ATF6: variants seen among roughly 807,000 people sequenced by gnomAD.
The protein encoded by ATF6 is cyclic AMP-dependent transcription factor ATF-6 alpha.
Under a neutral mutation model 83.6 loss-of-function variants are expected in ATF6, and 53 were observed. That is an observed-to-expected ratio of 0.63 (90% CI 0.51 to 0.80). The LOEUF (loss-of-function observed/expected upper bound fraction) is 0.80, where lower values mean the gene tolerates loss of function less well. ATF6 is among the 30% of genes least tolerant of loss of function. ATF6 has a pLI of 0.00. For synonymous variants in ATF6, 288 were observed against 285.8 expected, an observed-to-expected ratio of 1.01 and a Z score of -0.08; for missense variants, 744 against 797.9, an observed-to-expected ratio of 0.93 and a Z score of 0.81.
chr1:161,953,166 T>C (rs913375902), intron 15 of ATF6, among the ~76,000 whole-genome samples: 1 of 152,230 alleles, frequency 6.6e-6, no homozygotes, highest in East Asian at 1.9e-4. Context: ...ATTAAACTCA[T>C]GTAAAAGTAC....
chr1:161,853,240 C>A lies in ATF6; in HGVS notation c.1450C>A (p.Arg484=), dbSNP rs889228888. ...ATTTTATAGGTTAAATCATGAACTT[C>A]GAGGATGGGTTCATAGACATGAAGT... ...TESLRLNHEL[R]GWVHRHEVER... is the part of the protein sequence containing the mutation. The change falls in exon 12 of 16, where the codon CGA becomes AGA. Residue 484 remains arginine, a synonymous_variant. Coordinates refer to ENST00000367942, the MANE Select transcript of ATF6 (RefSeq NM_007348.4). 1 of 1,608,528 alleles carries A rather than the reference C, an allele frequency of 6.2e-7. No individual in the cohort carries two copies. The highest frequency in any genetic ancestry group is 1.1e-5 in the South Asian group (1 of 90,644).
intron 15 of ATF6, among the ~76,000 whole-genome samples, chr1:161,936,475 T>C (rs1373342071): frequency 6.6e-6 from 1 of 152,202 alleles, no homozygotes; most frequent in African/African-American, 2.4e-5. Context: ...TTACACTCTT[T>C]AAGTTATTTT....
rs1689041132 is a variant in ATF6, at chr1:161,959,386, T to A, written c.*732T>A. 6.6e-6 allele frequency: 1 copy of A among 152,134 alleles called. No individual in the cohort carries two copies. Among genetic ancestry groups the A allele is most frequent in the Admixed American group, 6.6e-5 (1 of 15,266 alleles). 9.4% of individuals were successfully genotyped at this position (152,134 alleles called of 1,614,324 possible). A position where few individuals can be genotyped will look rare whatever the true frequency, so the allele number is the denominator to read the frequency against. On this transcript the variant is annotated 3_prime_UTR_variant, in exon 16 of 16. Coordinates refer to ENST00000367942, the MANE Select transcript of ATF6 (RefSeq NM_007348.4). ...GAGGAGATAGCTCCATTAATACACA[T>A]GTTTAAAAGATGGAAAGTTCACGCC...
intron 6 of ATF6, among the ~76,000 whole-genome samples, chr1:161,797,789 T>A (rs987504540): frequency 6.6e-6 from 1 of 152,130 alleles, no homozygotes; most frequent in Non-Finnish European, 1.5e-5. Context: ...AAACTATCAA[T>A]GACATTTTTC....
intron 15 of ATF6, among the ~76,000 whole-genome samples, chr1:161,943,109 C>T (rs1688682706): frequency 6.6e-6 from 1 of 152,182 alleles, no homozygotes; most frequent in African/African-American, 2.4e-5. Flanking sequence ...CCACCTCGGC[C>T]TCCCAAAATG....
At chr1:161,767,157 G>A (rs1484981183) in intron 1 of ATF6, among the ~76,000 whole-genome samples, 1 of 152,182 alleles carries the variant, frequency 6.6e-6, no homozygotes, top group Non-Finnish European at 1.5e-5. Flanking sequence ...TTGATTGCAA[G>A]ATATAATAGT....
chr1:161,809,041 AATTTT>A (rs1192498006), intron 7 of ATF6, among the ~76,000 whole-genome samples: 15 of 152,134 alleles, frequency 9.9e-5, no homozygotes, highest in African/African-American at 3.4e-4. Flanking sequence ...CTATGGGAGA[AATTTT>A]ATTTTATTTT....
Position 161,772,762 on chromosome 1 carries a change from TA to T in ATF6, c.83-5468del, listed in dbSNP as rs34486834. Among the ~76,000 whole-genome samples, 718 of 139,122 alleles carry T rather than the reference TA, an allele frequency of 5.2e-3. 3 individuals carry two copies. Among genetic ancestry groups the T allele is most frequent in the African/African-American group, 0.012 (449 of 38,046 alleles). The allele number at this position is 139,122 out of a possible 152,430, so 91.3% of individuals were successfully genotyped here. A position where few individuals can be genotyped will look rare whatever the true frequency, so the allele number is the denominator to read the frequency against. On this transcript the variant is annotated intron_variant, in intron 1 of 15. Coordinates refer to ENST00000367942, the MANE Select transcript of ATF6 (RefSeq NM_007348.4). ...ATCTAGATAGTACTCTAGCTAGAGTTAAAAAAAAAAAAAACAAAACCAACAA... is the reference window on the plus strand; with the variant it reads ...ATCTAGATAGTACTCTAGCTAGAGTTAAAAAAAAAAAAACAAAACCAACAA...
At chr1:161,944,320 A>G (rs1458034348) in intron 15 of ATF6, among the ~76,000 whole-genome samples, 1 of 152,188 alleles carries the variant, frequency 6.6e-6, no homozygotes, top group African/African-American at 2.4e-5. Flanking sequence ...AATAATGAGA[A>G]TAAGTTACAG....
chr1:161,866,410 T>A (rs1053913327), intron 14 of ATF6, among the ~76,000 whole-genome samples: 9 of 152,176 alleles, frequency 5.9e-5, no homozygotes, highest in African/African-American at 2.2e-4. Flanking sequence ...CTTGGATAAC[T>A]ACTGAGTTCC....
chr1:161,843,747 T>G (rs1686412183), intron 9 of ATF6, among the ~76,000 whole-genome samples: 1 of 152,210 alleles, frequency 6.6e-6, no homozygotes, highest in African/African-American at 2.4e-5. Flanking sequence ...TTCAGTTAAT[T>G]CATAAGTAGA....
At chr1:161,899,963 T>C (rs1276272416) in intron 14 of ATF6, among the ~76,000 whole-genome samples, 1 of 152,216 alleles carries the variant, frequency 6.6e-6, no homozygotes, top group Non-Finnish European at 1.5e-5. Flanking sequence ...CTGGGACCAC[T>C]GTCTGTGTGG....
At chr1:161,894,440 C>T (rs1470600484) in intron 14 of ATF6, among the ~76,000 whole-genome samples, 3 of 146,600 alleles carry the variant, frequency 2.0e-5, no homozygotes, top group South Asian at 4.4e-4. Context: ...ACTTCTTAAA[C>T]GTTTGGGCTT....
intron 14 of ATF6, among the ~76,000 whole-genome samples, chr1:161,890,306 C>A (rs895217091): frequency 6.6e-6 from 1 of 152,150 alleles, no homozygotes; most frequent in Non-Finnish European, 1.5e-5. Flanking sequence ...GATTTAAATA[C>A]CACAGTGAAA....
chr1:161,777,652 A>C (rs1349129760), intron 1 of ATF6, among the ~76,000 whole-genome samples: 1 of 152,204 alleles, frequency 6.6e-6, no homozygotes. Context: ...TAGTGTATTG[A>C]AGAATGTTTT....
chr1:161,850,000 G>C (rs1184872526), intron 10 of ATF6, among the ~76,000 whole-genome samples: 1 of 152,002 alleles, frequency 6.6e-6, no homozygotes, highest in Non-Finnish European at 1.5e-5. Context: ...GTCTTGAATT[G>C]GTCCACTCCT....
At position 161,960,309 on chromosome 1, in the gene ATF6, C is replaced by A; in HGVS notation, c.*1655C>A. On this transcript the variant is annotated 3_prime_UTR_variant, in exon 16 of 16. Coordinates refer to ENST00000367942, the MANE Select transcript of ATF6 (RefSeq NM_007348.4). Reference sequence around the variant, plus strand: ...CTCATCTACAAATACTGTTTCTTACCCCAGTTGACTTGCCTTTGTCAGATT... The same window carrying A: ...CTCATCTACAAATACTGTTTCTTACACCAGTTGACTTGCCTTTGTCAGATT... 1 of 152,106 alleles carries A rather than the reference C, an allele frequency of 6.6e-6. No individual in the cohort carries two copies. The highest frequency in any genetic ancestry group is 1.9e-4 in the East Asian group (1 of 5,196). The allele number at this position is 152,106 out of a possible 1,614,324, so 9.4% of individuals were successfully genotyped here.
At chr1:161,924,730 T>A (rs1208180391) in intron 15 of ATF6, among the ~76,000 whole-genome samples, 1 of 152,218 alleles carries the variant, frequency 6.6e-6, no homozygotes, top group Non-Finnish European at 1.5e-5. Context: ...TATCTCTTTC[T>A]TTTCACTCTA....
intron 12 of ATF6, among the ~76,000 whole-genome samples, chr1:161,859,305 C>T (rs1311214234): frequency 6.6e-6 from 1 of 152,180 alleles, no homozygotes; most frequent in African/African-American, 2.4e-5. Context: ...TCTTTTCTCC[C>T]TTAAACTTCT....
Sources: gnomAD v4.1 joint callset for allele counts (sites outside exome capture counted in the v4.1 genomes callset) on GRCh38, gnomAD v4.1.1 for gene constraint, MANE v1.5 for transcripts, NCBI Gene and HGNC (gene_info 2026-07-23, HGNC 2026-07-21) for gene names.